The following ETS1 variants were observed in gnomAD, a reference collection of about 807,000 sequenced individuals.
The protein encoded by ETS1 is ETS proto-oncogene 1, transcription factor.
A neutral mutation model predicts 58.6 loss-of-function variants in ETS1; 15 were observed. That is an observed-to-expected ratio of 0.26 (90% confidence interval 0.17 to 0.39). The LOEUF (loss-of-function observed/expected upper bound fraction) is 0.39, where lower values mean the gene tolerates loss of function less well. Among genes scored for constraint, ETS1 ranks in the 10% least tolerant of loss-of-function variants. The pLI is 1.00. For missense variants in ETS1, 417 were observed against 610.5 expected, an observed-to-expected ratio of 0.68 and a Z score of 3.34; for synonymous variants, 214 against 218.2, an observed-to-expected ratio of 0.98 and a Z score of 0.17.
intron 2 of ETS1, among the ~76,000 whole-genome samples, chr11:128,562,787 C>T (rs1304073109): frequency 1.3e-5 from 2 of 152,152 alleles, no homozygotes; most frequent in East Asian, 1.9e-4. Context: ...CCTAGCACCA[C>T]TTCCCAGTGC....
intron 3 of ETS1, among the ~76,000 whole-genome samples, chr11:128,511,884 G>A (rs1224917291): frequency 6.6e-6 from 1 of 152,220 alleles, no homozygotes; most frequent in East Asian, 1.9e-4. Flanking sequence ...CTTGGCATCG[G>A]TGCACTGCAC....
Position 128,498,263 on chromosome 11 carries a change from G to T in ETS1, c.215-7687C>A, listed in dbSNP as rs563060044. ...TAAAATATAAAGACTTAAAAAAAAA[G>T]ATTTTATTTCCCAATGCTTACAGAA... On this transcript the variant is annotated intron_variant, in intron 3 of 9. Transcript: ENST00000392668. 3.9e-5 allele frequency among the ~76,000 whole-genome samples: 6 copies of T among 152,078 alleles called. No homozygotes were observed. The South Asian group carries it at 1.3e-3, about 32-fold the overall frequency.
At position 128,507,460 on chromosome 11, in the gene ETS1, T is replaced by C. The variant is rs187718702; in HGVS notation, c.215-16884A>G. ...CAGCCGGCTCAGTGCTGCTTTATAA[T>C]ATACTGAATTAGTCACTGGATTAGC... is the stretch of plus-strand genomic sequence containing the variant. On this transcript the variant is annotated intron_variant, in intron 3 of 9. Transcript: ENST00000392668. Among the ~76,000 whole-genome samples the C allele has an allele frequency of 2.8e-4, 43 of 152,304 alleles. No individual in the cohort carries two copies. In the East Asian group the frequency reaches 7.9e-3, roughly 28 times the overall value.
At chr11:128,586,097 G>T (rs1032910761) in intron 1 of ETS1, among the ~76,000 whole-genome samples, 1 of 152,176 alleles carries the variant, frequency 6.6e-6, no homozygotes, top group Non-Finnish European at 1.5e-5. Flanking sequence ...TTAGGCTCTC[G>T]GCTTGGCTTC....
At chr11:128,489,053 G>T (rs139566260) in intron 5 of ETS1, among the ~76,000 whole-genome samples, 2 of 152,262 alleles carry the variant, frequency 1.3e-5, no homozygotes, top group East Asian at 3.9e-4. Context: ...AGCTTCAGTG[G>T]TACAATCTTG....
chr11:128,557,252 T>C (rs1198126630), intron 2 of ETS1, among the ~76,000 whole-genome samples: 2 of 152,166 alleles, frequency 1.3e-5, no homozygotes, highest in African/African-American at 4.8e-5. Flanking sequence ...CATATAGCTC[T>C]AGCTACTCGG....
At chr11:128,509,649 A>G (rs1863340163) in intron 3 of ETS1, among the ~76,000 whole-genome samples, 1 of 150,878 alleles carries the variant, frequency 6.6e-6, no homozygotes. Context: ...CTGCCCCTAT[A>G]ATGACAAGCC....
At chr11:128,566,201 C>A (rs1864491712) in intron 2 of ETS1, among the ~76,000 whole-genome samples, 1 of 152,156 alleles carries the variant, frequency 6.6e-6, no homozygotes, top group Non-Finnish European at 1.5e-5. Flanking sequence ...CCCAGTAGCC[C>A]CATCTTCTTC....
At chr11:128,534,409 T>G (rs1863942656) in intron 3 of ETS1, among the ~76,000 whole-genome samples, 1 of 152,176 alleles carries the variant, frequency 6.6e-6, no homozygotes, top group South Asian at 2.1e-4. Flanking sequence ...ACAAGAAAAT[T>G]TTTTCCTTTT....
intron 6 of ETS1, among the ~76,000 whole-genome samples, chr11:128,485,603 C>T (rs183356121): frequency 3.9e-4 from 60 of 152,198 alleles, no homozygotes; most frequent in African/African-American, 1.0e-3. Context: ...GTATCTTACA[C>T]GAAAAAGGAG....
intron 3 of ETS1, among the ~76,000 whole-genome samples, chr11:128,501,805 T>C (rs1215642824): frequency 3.9e-5 from 6 of 152,200 alleles, no homozygotes; most frequent in East Asian, 3.8e-4. Context: ...AAATATATCA[T>C]GGAAAGACTC....
chr11:128,521,881 C>A lies in ETS1; in HGVS notation c.215-31305G>T, dbSNP rs761589981. 6.7e-5 allele frequency: 105 copies of A among 1,573,056 alleles called. No individual in the cohort carries two copies. In the Admixed American group the frequency reaches 1.8e-3, roughly 27 times the overall value. On this transcript the variant is annotated intron_variant, in intron 3 of 9. Coordinates refer to ENST00000392668, the MANE Select transcript of ETS1 (RefSeq NM_001143820.2). ...GGGACCCCCGGCCTCTGGCCGAGAG[C>A]TTGGGTGGGGGCCTCGGCCGTCGCC...
Position 128,585,159 on chromosome 11 carries a change from A to G in ETS1, c.-15+2329T>C, listed in dbSNP as rs1197699628. ...AGAAAAGAAAGAAAGAAAGAAAGAA[A>G]GAAAGAAAGAGAAAGAAAGAAAGAA... On this transcript the variant is annotated intron_variant, in intron 1 of 9. Coordinates refer to ENST00000392668, the MANE Select transcript of ETS1 (RefSeq NM_001143820.2). 7.7e-4 allele frequency among the ~76,000 whole-genome samples: 36 copies of G among 47,012 alleles called. 6 individuals are homozygous for G. Among genetic ancestry groups the G allele is most frequent in the African/African-American group, 3.5e-3 (30 of 8,670 alleles). 30.8% of individuals were successfully genotyped at this position (47,012 alleles called of 152,430 possible). A position where few individuals can be genotyped will look rare whatever the true frequency, so the allele number is the denominator to read the frequency against.
At chr11:128,560,314 T>C (rs945171334) in intron 2 of ETS1, among the ~76,000 whole-genome samples, 1 of 152,222 alleles carries the variant, frequency 6.6e-6, no homozygotes, top group African/African-American at 2.4e-5. Context: ...GGTTTTATCC[T>C]GTTGGCCAGG....
intron 3 of ETS1, among the ~76,000 whole-genome samples, chr11:128,499,133 G>A (rs1052246935): frequency 2.0e-5 from 3 of 152,114 alleles, no homozygotes; most frequent in Admixed American, 6.5e-5. Context: ...AGGATCATAC[G>A]GCTTTTGGTA....
chr11:128,558,410 C>T (rs193062087), intron 2 of ETS1, among the ~76,000 whole-genome samples: 13 of 152,224 alleles, frequency 8.5e-5, no homozygotes, highest in South Asian at 2.1e-4. Flanking sequence ...TTCGGGAGGC[C>T]GAGGAGGGTG....
intron 3 of ETS1, among the ~76,000 whole-genome samples, chr11:128,492,925 A>T (rs1862841521): frequency 1.3e-5 from 2 of 152,228 alleles, no homozygotes; most frequent in African/African-American, 2.4e-5. Flanking sequence ...TGAGTGAATT[A>T]AATTTTTCCA....
At chr11:128,537,745 T>C (rs1039121424) in intron 3 of ETS1, among the ~76,000 whole-genome samples, 1 of 152,144 alleles carries the variant, frequency 6.6e-6, no homozygotes, top group Non-Finnish European at 1.5e-5. Context: ...AATTCTGTAA[T>C]AACATGTTCC....
intron 2 of ETS1, among the ~76,000 whole-genome samples, chr11:128,568,883 A>G (rs946978378): frequency 1.3e-5 from 2 of 152,206 alleles, no homozygotes; most frequent in Non-Finnish European, 2.9e-5. Context: ...TGGCCAACTA[A>G]TGCAGCATGC....
Sources: gnomAD v4.1 joint callset for allele counts (sites outside exome capture counted in the v4.1 genomes callset) on GRCh38, gnomAD v4.1.1 for gene constraint, MANE v1.5 for transcripts, NCBI Gene and HGNC (gene_info 2026-07-23, HGNC 2026-07-21) for gene names.